The following ZNF429 variants were observed in gnomAD, a reference collection of about 807,000 sequenced individuals.
The protein encoded by ZNF429 is zinc finger protein 429.
In ZNF429, 53 loss-of-function variants were observed where a neutral mutation model predicts 56.8. The observed-to-expected ratio is 0.93, with a 90% CI of 0.75 to 1.17. The LOEUF is 1.17. ZNF429 is among the 50% of genes most tolerant of loss of function. The pLI, the probability that ZNF429 is intolerant of heterozygous loss-of-function variation, is 0.00. For synonymous variants in ZNF429, 278 were observed against 264.7 expected (o/e 1.05, Z -0.49); for missense variants, 849 against 788.4 (o/e 1.08, Z -0.92).
In ZNF429 at chr19:21,530,768, G is replaced by A; in HGVS notation, c.226+84G>A. 6.9e-6 allele frequency: 7 copies of A among 1,020,820 alleles called. No individual in the cohort carries two copies. In the East Asian group the frequency reaches 1.9e-4, roughly 27 times the overall value. 63.2% of individuals were successfully genotyped at this position (1,020,820 alleles called of 1,614,324 possible). A position where few individuals can be genotyped will look rare whatever the true frequency, so the allele number is the denominator to read the frequency against. The stretch of plus-strand genomic sequence containing the variant: ...AGCCAGTCCTTAACAATGTGATTTG[G>A]GAAGCTATGTTTCAAAGAAAATATT... On this transcript the variant is annotated intron_variant, in intron 3 of 3. Transcript: ENST00000358491.
In ZNF429 at chr19:21,520,293, C is replaced by T. The variant is rs546089614; in HGVS notation, c.4-9365C>T. On this transcript the variant is annotated intron_variant, in intron 1 of 3. Transcript: ENST00000358491. Reference sequence around the variant, plus strand: ...CCAGTGTCTCCTAAAATTCAGATGTCCAAGGGTTCAGGGACATGTCCAGAG... The same window carrying T: ...CCAGTGTCTCCTAAAATTCAGATGTTCAAGGGTTCAGGGACATGTCCAGAG... Among the ~76,000 whole-genome samples, 4 of 152,242 alleles carry T rather than the reference C, an allele frequency of 2.6e-5. No homozygotes were observed. The South Asian group carries it at 8.3e-4, about 32-fold the overall frequency.
At position 21,536,671 on chromosome 19, in the gene ZNF429, T is replaced by G. The variant is rs763919998; in HGVS notation, c.618T>G (p.Phe206Leu). The G allele has an allele frequency of 2.0e-5, 33 of 1,614,056 alleles. No homozygotes were observed. Among genetic ancestry groups the G allele is most frequent in the Non-Finnish European group, 2.8e-5 (33 of 1,179,942 alleles). ...IRENTYRCKE[F>L]GNAFNQSSAL... ...AGAATACCTACAGATGTAAAGAATT[T>G]GGCAATGCCTTTAATCAGTCCTCAG... The change falls in exon 4 of 4, where the codon TTT (phenylalanine) becomes TTG (leucine). Residue 206 changes from phenylalanine to leucine, a missense_variant. Transcript: ENST00000358491.
chr19:21,529,605 C>A (rs2033296576), intron 1 of ZNF429, 53 bp from the exon 2 acceptor site: 8 of 1,397,312 alleles, frequency 5.7e-6, no homozygotes, highest in Non-Finnish European at 7.5e-6. Context: ...GGCACTTGGT[C>A]AATATATTTC....
intron 3 of ZNF429, among the ~76,000 whole-genome samples, chr19:21,532,955 A>T: frequency 6.6e-6 from 1 of 152,054 alleles, no homozygotes; most frequent in Non-Finnish European, 1.5e-5. Context: ...TCGGCCTCTC[A>T]AAGTGCTAGG....
At chr19:21,529,524 TTGTA>T (rs2033294069) in intron 1 of ZNF429, 130 bp from the exon 2 acceptor site, 20 of 1,204,178 alleles carry the variant, frequency 1.7e-5, no homozygotes, top group Non-Finnish European at 2.1e-5. Flanking sequence ...TTTCAGTCAC[TTGTA>T]TAAGTCAGAA....
intron 1 of ZNF429, 75 bp from the exon 2 acceptor site, chr19:21,529,583 A>G: frequency 7.6e-7 from 1 of 1,311,404 alleles, no homozygotes. Context: ...TAAATAAAAA[A>G]TTCTACCCAT....
chr19:21,508,911 A>G (rs1181910088), intron 1 of ZNF429, among the ~76,000 whole-genome samples: 1 of 152,210 alleles, frequency 6.6e-6, no homozygotes, highest in Non-Finnish European at 1.5e-5. Context: ...GACAGTGAAT[A>G]TCTCTGTTCT....
intron 1 of ZNF429, among the ~76,000 whole-genome samples, chr19:21,527,947 C>T (rs972647732): frequency 2.0e-5 from 3 of 152,156 alleles, no homozygotes; most frequent in Non-Finnish European, 4.4e-5. Flanking sequence ...TTAGTACTTG[C>T]AAGCCTTTAC....
Position 21,530,635 on chromosome 19 carries a change from A to G in ZNF429, c.177A>G (p.Glu59=). The change falls in exon 3 of 4, where the codon GAA becomes GAG. Residue 59 remains glutamate, a synonymous_variant. Coordinates refer to ENST00000358491, the MANE Select transcript of ZNF429 (RefSeq NM_001001415.4). ...KPDLITCLEK[E]KEPCKMKRHE... is the part of the protein sequence containing the mutation. ...ACCTAATCACTTGTCTAGAGAAAGA[A>G]AAAGAACCCTGCAAGATGAAGCGAC... 1 of 1,612,772 alleles carries G rather than the reference A, an allele frequency of 6.2e-7. No individual in the cohort carries two copies. The highest frequency in any genetic ancestry group is 1.1e-5 in the South Asian group (1 of 90,864).
At chr19:21,513,015 C>T (rs963368941) in intron 1 of ZNF429, among the ~76,000 whole-genome samples, 5 of 151,810 alleles carry the variant, frequency 3.3e-5, no homozygotes, top group East Asian at 2.0e-4. Context: ...GGACTACAGG[C>T]GCCTGCCACC....
chr19:21,507,874 A>G (rs1212564102), intron 1 of ZNF429, among the ~76,000 whole-genome samples: 2 of 152,138 alleles, frequency 1.3e-5, no homozygotes, highest in Admixed American at 6.5e-5. Context: ...TTTGGGCCAC[A>G]TTGCTGGTCA....
rs12973084 is a variant in ZNF429 at position 21,540,395 on chromosome 19, T to A, written c.*2317T>A. Among the ~76,000 whole-genome samples, 14 of 151,850 alleles carry A rather than the reference T, an allele frequency of 9.2e-5. No homozygotes were observed. Among genetic ancestry groups the A allele is most frequent in the South Asian group, 6.2e-4 (3 of 4,826 alleles). ...TTATCCTTTTTTTGATATTTAAATTTTTTTCTTATTTTTTTGTGGGTACAT... is the reference window on the plus strand; with the variant it reads ...TTATCCTTTTTTTGATATTTAAATTATTTTCTTATTTTTTTGTGGGTACAT... On this transcript the variant is annotated 3_prime_UTR_variant, in exon 4 of 4. Coordinates refer to ENST00000358491, the MANE Select transcript of ZNF429 (RefSeq NM_001001415.4).
chr19:21,505,735 C>G lies in ZNF429; in HGVS notation c.-37C>G. ...TGTGACCCGCAGATATTGGGAGATA[C>G]ACAGCTAAGACTCCAGGACCCCCTG... On this transcript the variant is annotated 5_prime_UTR_variant, in exon 1 of 4. Transcript: ENST00000358491. 2 of 1,606,538 alleles carry G rather than the reference C, an allele frequency of 1.2e-6. No homozygotes were observed. The highest frequency in any genetic ancestry group is 1.7e-6 in the Non-Finnish European group (2 of 1,175,140).
At chr19:21,534,809 CGTTT>C in intron 3 of ZNF429, among the ~76,000 whole-genome samples, 5 of 130,488 alleles carry the variant, frequency 3.8e-5, no homozygotes, top group African/African-American at 8.6e-5. Context: ...TTTTTTTGTT[CGTTT>C]GTTTGTTTTT....
chr19:21,511,970 G>C (rs1185682868), intron 1 of ZNF429, among the ~76,000 whole-genome samples: 1 of 152,118 alleles, frequency 6.6e-6, no homozygotes, highest in Non-Finnish European at 1.5e-5. Context: ...GCAGGCACTC[G>C]GCAGGCTGAG....
chr19:21,535,359 T>TC lies in ZNF429; in HGVS notation c.227-921_227-920insC. On this transcript the variant is annotated intron_variant, in intron 3 of 3. Coordinates refer to ENST00000358491, the MANE Select transcript of ZNF429 (RefSeq NM_001001415.4). ...CTTTTCTTTCCTTTCCTTTCTTTTCTTCTTTCTTTCTTTCTTTCTTTTTTA... is the reference window on the plus strand; with the variant it reads ...CTTTTCTTTCCTTTCCTTTCTTTTCTCTCTTTCTTTCTTTCTTTCTTTTTTA... 7.3e-5 allele frequency among the ~76,000 whole-genome samples: 4 copies of TC among 54,498 alleles called. 1 individual carries two copies. The highest frequency in any genetic ancestry group is 2.3e-4 in the African/African-American group (4 of 17,578). The allele number at this position is 54,498 out of a possible 152,430, so 35.8% of individuals were successfully genotyped here.
intron 1 of ZNF429, among the ~76,000 whole-genome samples, chr19:21,508,711 T>A (rs916295240): frequency 2.5e-4 from 33 of 133,832 alleles, no homozygotes; most frequent in African/African-American, 9.5e-4. Flanking sequence ...TTTTTTTTTT[T>A]ATGGCTGGGT....
chr19:21,514,314 ATTTC>A (rs2032638107), intron 1 of ZNF429, among the ~76,000 whole-genome samples: 1 of 152,140 alleles, frequency 6.6e-6, no homozygotes, highest in African/African-American at 2.4e-5. Context: ...TCAAACAGGT[ATTTC>A]TTATTCTCTT....
At chr19:21,527,279 C>A (rs558137767) in intron 1 of ZNF429, among the ~76,000 whole-genome samples, 1 of 152,164 alleles carries the variant, frequency 6.6e-6, no homozygotes, top group Non-Finnish European at 1.5e-5. Flanking sequence ...GATTTATAAG[C>A]TCATTACAGC....
Sources: allele counts gnomAD v4.1 joint callset (sites outside exome capture counted in the v4.1 genomes callset), GRCh38; gene constraint gnomAD v4.1.1; transcripts MANE v1.5; gene names NCBI Gene and HGNC (gene_info 2026-07-23, HGNC 2026-07-21).